The following COG6 variants were observed in gnomAD, a reference collection of about 807,000 sequenced individuals.
COG6 encodes the protein conserved oligomeric Golgi complex subunit 6.
In COG6, 74 loss-of-function variants were observed where a neutral mutation model predicts 88.8. That is an observed-to-expected ratio of 0.83 (90% confidence interval 0.69 to 1.01). COG6 has a LOEUF of 1.01. Ranked by LOEUF, COG6 falls within the 50% of genes least tolerant of loss-of-function variation. The pLI is 0.00. For synonymous variants in COG6, 286 were observed against 278.7 expected (o/e 1.03, Z -0.26); for missense variants, 800 against 797.9 (o/e 1.00, Z -0.03).
chr13:39,682,180 G>T lies in COG6; in HGVS notation c.704G>T (p.Arg235Ile). ...GTTAATTATTTTTCAGGTGAATGCA[G>T]AACATTGACACAAGAATCATGTGAC... The part of the protein sequence containing the change: ...RLYRWAQSEC[R>I]TLTQESCDVS... Residue 235 changes from arginine (R) to isoleucine (I), a missense_variant, in exon 8 of 19, where the codon AGA becomes ATA. Coordinates refer to ENST00000455146, the MANE Select transcript of COG6 (RefSeq NM_020751.3). 1 of 1,608,506 alleles carries T rather than the reference G, an allele frequency of 6.2e-7. No individual in the cohort carries two copies.
intron 15 of COG6, 34 bp downstream of exon 15, chr13:39,719,861 A>C: frequency 6.5e-7 from 1 of 1,538,182 alleles, no homozygotes; most frequent in Non-Finnish European, 9.0e-7. Context: ...ATTGACTATG[A>C]TTGAATCTTT....
At chr13:39,695,870 A>T (rs1877244012) in intron 12 of COG6, among the ~76,000 whole-genome samples, 1 of 152,034 alleles carries the variant, frequency 6.6e-6, no homozygotes, top group Non-Finnish European at 1.5e-5. Flanking sequence ...CTGTAATAAG[A>T]GAATGATAAA....
At chr13:39,734,817 C>T (rs928476365) in intron 18 of COG6, among the ~76,000 whole-genome samples, 3 of 152,026 alleles carry the variant, frequency 2.0e-5, no homozygotes, top group Non-Finnish European at 4.4e-5. Context: ...TTGTTATATC[C>T]TCTTGCTGAA....
chr13:39,753,881 C>T (rs1375617247), downstream of COG6, among the ~76,000 whole-genome samples: 1 of 152,170 alleles, frequency 6.6e-6, no homozygotes, highest in Non-Finnish European at 1.5e-5. Flanking sequence ...GACATGCTGT[C>T]GTCTACTTCC....
At chr13:39,720,860 C>G (rs1399023022) in intron 15 of COG6, among the ~76,000 whole-genome samples, 1 of 151,904 alleles carries the variant, frequency 6.6e-6, no homozygotes, top group South Asian at 2.1e-4. Context: ...ATTTAGTTAT[C>G]TACTGCCACT....
At chr13:39,675,554 A>G (rs1204620528) in intron 4 of COG6, among the ~76,000 whole-genome samples, 4 of 152,248 alleles carry the variant, frequency 2.6e-5, no homozygotes. Context: ...TTTTTGCACC[A>G]TCTCTTTTGT....
At chr13:39,734,153 G>T (rs939352711) in intron 18 of COG6, among the ~76,000 whole-genome samples, 6 of 151,682 alleles carry the variant, frequency 4.0e-5, no homozygotes, top group Admixed American at 3.9e-4. Context: ...TTTGGGTTTG[G>T]TTTCTTCTTG....
At chr13:39,705,331 A>G (rs1476409018) in intron 13 of COG6, among the ~76,000 whole-genome samples, 1 of 152,150 alleles carries the variant, frequency 6.6e-6, no homozygotes, top group Non-Finnish European at 1.5e-5. Context: ...AAGGAAATTC[A>G]AGGACATAAT....
At chr13:39,753,692 C>T (rs1237744113), downstream of COG6, among the ~76,000 whole-genome samples, 29 of 152,108 alleles carry the variant, frequency 1.9e-4, no homozygotes, top group Admixed American at 1.8e-3. Context: ...TCGCATCTCT[C>T]ATCTTCTTAT....
chr13:39,736,641 A>C (rs555914631), intron 18 of COG6, among the ~76,000 whole-genome samples: 150 of 152,330 alleles, frequency 9.8e-4, no homozygotes, highest in African/African-American at 3.1e-3. Context: ...CGGTGAGCCG[A>C]GATCGTGCCA....
At chr13:39,656,901 T>C (rs1444499997) in intron 1 of COG6, 1 of 455,764 alleles carries the variant, frequency 2.2e-6, no homozygotes, top group East Asian at 6.9e-5. Flanking sequence ...GTAAAGTCCT[T>C]TGCAAAGAGC....
chr13:39,672,218 TATA>T lies in COG6; in HGVS notation c.429-5243_429-5241del, dbSNP rs1198747104. 2.6e-5 allele frequency among the ~76,000 whole-genome samples: 4 copies of T among 152,170 alleles called. No individual in the cohort carries two copies. In the South Asian group the frequency reaches 6.2e-4, roughly 24 times the overall value. ...CCTTTTAAGCTGTATTTTGTACAGT[TATA>T]ATAATACATGTAATTGTAATTCAAA... On this transcript the variant is annotated intron_variant, in intron 4 of 18. Coordinates refer to ENST00000455146, the MANE Select transcript of COG6 (RefSeq NM_020751.3).
At chr13:39,737,684 C>T (rs937437094) in intron 18 of COG6, among the ~76,000 whole-genome samples, 6 of 151,906 alleles carry the variant, frequency 3.9e-5, no homozygotes, top group South Asian at 2.1e-4. Flanking sequence ...CACGTGCACC[C>T]CAAGTCCACT....
chr13:39,733,532 A>G (rs1879572664), intron 18 of COG6, among the ~76,000 whole-genome samples: 1 of 151,458 alleles, frequency 6.6e-6, no homozygotes. Context: ...GCTTTTCTCT[A>G]TTATTTTGAG....
At chr13:39,712,096 G>T (rs1159851030) in intron 13 of COG6, among the ~76,000 whole-genome samples, 1 of 152,202 alleles carries the variant, frequency 6.6e-6, no homozygotes, top group Non-Finnish European at 1.5e-5. Context: ...CTGACCTCAG[G>T]CGATCTGCCC....
chr13:39,751,399 A>C lies in COG6; in HGVS notation c.*306A>C. On this transcript the variant is annotated 3_prime_UTR_variant, in exon 19 of 19. Coordinates refer to ENST00000455146, the MANE Select transcript of COG6 (RefSeq NM_020751.3). ...TAAAGTAGTATGAAAGGTTTGAAGA[A>C]TTTTTTTTTACAAGACTAGTTCTAA... 1 of 1,328,602 alleles carries C rather than the reference A, an allele frequency of 7.5e-7. No homozygotes were observed. Among genetic ancestry groups the C allele is most frequent in the African/African-American group, 1.5e-5 (1 of 67,276 alleles). 82.3% of individuals were successfully genotyped at this position (1,328,602 alleles called of 1,614,324 possible).
At chr13:39,713,935 A>C (rs1878380751) in intron 13 of COG6, among the ~76,000 whole-genome samples, 2 of 152,200 alleles carry the variant, frequency 1.3e-5, no homozygotes, top group South Asian at 4.1e-4. Flanking sequence ...TAGCTTTAGA[A>C]GTGTGGTTCT....
intron 18 of COG6, among the ~76,000 whole-genome samples, chr13:39,778,116 C>A (rs933415170): frequency 3.3e-5 from 5 of 152,276 alleles, no homozygotes; most frequent in Non-Finnish European, 7.4e-5. Flanking sequence ...ATTTTCCTCC[C>A]AGCCTAAAAG....
chr13:39,722,671 C>T (rs988875484), intron 15 of COG6, among the ~76,000 whole-genome samples: 1 of 151,682 alleles, frequency 6.6e-6, no homozygotes, highest in Admixed American at 6.6e-5. Context: ...TGTTTCAACC[C>T]ATCAAGGTAG....
Sources: allele counts gnomAD v4.1 joint callset (sites outside exome capture counted in the v4.1 genomes callset), GRCh38; gene constraint gnomAD v4.1.1; transcripts MANE v1.5; gene names NCBI Gene and HGNC (gene_info 2026-07-23, HGNC 2026-07-21).